Variants in NXPE2 observed in about 807,000 individuals in gnomAD.
NXPE2 encodes NXPE family member 2.
NXPE2 carries 34 observed loss-of-function variants against 34.4 expected under a neutral mutation model. The ratio of observed to expected loss-of-function variants is 0.99; its 90% CI spans 0.75 to 1.31. The LOEUF is 1.31. NXPE2 is among the 40% of genes most tolerant of loss of function. NXPE2 has a pLI of 0.00. For missense variants in NXPE2, 649 were observed against 672.5 expected (o/e 0.97, Z 0.39); for synonymous variants, 235 against 231.3 (o/e 1.02, Z -0.15).
chr11:114,739,068 T>C, the NXPE2 span, among the ~76,000 whole-genome samples: 1 of 152,126 alleles, frequency 6.6e-6, no homozygotes, highest in Non-Finnish European at 1.5e-5. Flanking sequence ...AATTCCAAGA[T>C]AATTTAAGCA....
At chr11:114,643,532 G>A in the NXPE2 span, among the ~76,000 whole-genome samples, 3 of 152,030 alleles carry the variant, frequency 2.0e-5, no homozygotes. Flanking sequence ...CCCATTGCTT[G>A]TTTTTGTCAG....
chr11:114,522,169 C>T, the NXPE2 span: 2 of 1,613,940 alleles, frequency 1.2e-6, no homozygotes, highest in Non-Finnish European at 8.5e-7. Context: ...TGTGCATCTC[C>T]CTGATGTTTT....
At chr11:114,494,626 T>C in the NXPE2 span, among the ~76,000 whole-genome samples, 4 of 152,340 alleles carry the variant, frequency 2.6e-5, no homozygotes, top group South Asian at 4.1e-4. Flanking sequence ...TGGATTTTGT[T>C]GAGCTTCCTT....
At chr11:114,638,103 A>T in the NXPE2 span, among the ~76,000 whole-genome samples, 1 of 151,268 alleles carries the variant, frequency 6.6e-6, no homozygotes, top group East Asian at 1.9e-4. Context: ...AGGTACACCA[A>T]TGAGATGTAG....
the NXPE2 span, among the ~76,000 whole-genome samples, chr11:114,736,401 G>A: frequency 6.6e-6 from 1 of 152,172 alleles, no homozygotes; most frequent in Non-Finnish European, 1.5e-5. Flanking sequence ...TCTCAGGGAT[G>A]TTCCTTGCTG....
At chr11:114,592,461 G>A in the NXPE2 span, among the ~76,000 whole-genome samples, 3 of 151,850 alleles carry the variant, frequency 2.0e-5, no homozygotes, top group East Asian at 1.9e-4. Context: ...GATCTAAAGA[G>A]GTGAAAGATC....
chr11:114,654,163 T>C, the NXPE2 span, among the ~76,000 whole-genome samples: 1 of 152,090 alleles, frequency 6.6e-6, no homozygotes, highest in Non-Finnish European at 1.5e-5. Flanking sequence ...CAGCCTGGCA[T>C]TGAAGTCTCT....
At chr11:114,705,662 A>C in intron 4 of NXPE2, 119 bp from the exon 5 acceptor site, 1 of 576,652 alleles carries the variant, frequency 1.7e-6, no homozygotes, top group South Asian at 2.8e-5. Flanking sequence ...AGGAAGGCAA[A>C]ATAGAGCTGA....
chr11:114,566,697 TTCTCTC>T, the NXPE2 span, among the ~76,000 whole-genome samples: 4 of 150,396 alleles, frequency 2.7e-5, no homozygotes, highest in African/African-American at 7.3e-5. Context: ...ATCAAGGGAT[TTCTCTC>T]TCTCTCTCTC....
At chr11:114,581,683 G>T in the NXPE2 span, 8 of 1,464,934 alleles carry the variant, frequency 5.5e-6, no homozygotes, top group East Asian at 2.3e-5. Context: ...CTTTAAATGG[G>T]TCTAGAACTA....
chr11:114,786,226 G>C, the NXPE2 span, among the ~76,000 whole-genome samples: 1 of 152,186 alleles, frequency 6.6e-6, no homozygotes, highest in Admixed American at 6.5e-5. Context: ...TATCTGGAAG[G>C]TAGATTATTG....
the NXPE2 span, among the ~76,000 whole-genome samples, chr11:114,474,850 C>T: frequency 2.0e-5 from 3 of 152,110 alleles, no homozygotes; most frequent in South Asian, 6.2e-4. Context: ...ATAGCAAGGA[C>T]CATGCAAGCG....
the NXPE2 span, among the ~76,000 whole-genome samples, chr11:114,789,765 A>G: frequency 6.6e-6 from 1 of 152,124 alleles, no homozygotes; most frequent in African/African-American, 2.4e-5. Context: ...TTTTCCCATG[A>G]CACACTCGCT....
the NXPE2 span, among the ~76,000 whole-genome samples, chr11:114,799,291 C>A: frequency 1.2e-3 from 117 of 94,296 alleles, no homozygotes; most frequent in East Asian, 2.1e-3. Flanking sequence ...GGCAATGAAG[C>A]AAAAAAAAAA....
the NXPE2 span, among the ~76,000 whole-genome samples, chr11:114,763,681 A>C: frequency 1.3e-5 from 2 of 152,304 alleles, no homozygotes; most frequent in African/African-American, 4.8e-5. Flanking sequence ...TCCATAAATA[A>C]ATATTCCATC....
chr11:114,646,387 T>C, the NXPE2 span, among the ~76,000 whole-genome samples: 1 of 152,058 alleles, frequency 6.6e-6, no homozygotes, highest in African/African-American at 2.4e-5. Flanking sequence ...ATTTTTATCC[T>C]TAAGTCCTTA....
chr11:114,772,070 C>T, the NXPE2 span, among the ~76,000 whole-genome samples: 1,087 of 152,290 alleles, frequency 7.1e-3, 10 homozygotes, highest in African/African-American at 0.023. Flanking sequence ...TGGGCTCCTG[C>T]CATGAAAACG....
chr11:114,578,631 A>G, the NXPE2 span, among the ~76,000 whole-genome samples: 1 of 152,288 alleles, frequency 6.6e-6, no homozygotes, highest in Admixed American at 6.5e-5. Flanking sequence ...TGAGATCATG[A>G]GTGGCCTCAT....
upstream of NXPE2, among the ~76,000 whole-genome samples, chr11:114,675,772 A>C (rs1950852108): frequency 1.3e-5 from 2 of 151,966 alleles, no homozygotes; most frequent in African/African-American, 4.8e-5. Context: ...ATGGAACCAC[A>C]AAAGACCGCA....
Sources: allele counts gnomAD v4.1 joint callset (sites outside exome capture counted in the v4.1 genomes callset), GRCh38; gene constraint gnomAD v4.1.1; transcripts MANE v1.5; gene names NCBI Gene and HGNC (gene_info 2026-07-23, HGNC 2026-07-21).